Variants in RASEF observed in about 807,000 individuals in gnomAD.
The protein encoded by RASEF is RAS and EF-hand domain containing, also known as ras and EF-hand domain-containing protein.
Under a neutral mutation model 90.1 loss-of-function variants are expected in RASEF, and 68 were observed. The observed-to-expected ratio is 0.75, with a 90% CI of 0.62 to 0.92. RASEF has a LOEUF of 0.92. Among genes scored for constraint, RASEF ranks in the 40% least tolerant of loss-of-function variants. The probability of loss-of-function intolerance (pLI) is 0.00; values close to 1 mark genes in which losing one functional copy is unlikely to be tolerated. For missense variants in RASEF, 949 were observed against 937.2 expected, an observed-to-expected ratio of 1.01 and a Z score of -0.16; for synonymous variants, 331 against 345.2, an observed-to-expected ratio of 0.96 and a Z score of 0.46.
At chr9:83,187,763 C>G in the RASEF span, among the ~76,000 whole-genome samples, 1 of 152,126 alleles carries the variant, frequency 6.6e-6, no homozygotes, top group Non-Finnish European at 1.5e-5. Flanking sequence ...TCCATTTCTC[C>G]TCTTTTCAAA....
chr9:83,099,936 G>A, the RASEF span, among the ~76,000 whole-genome samples: 1 of 152,222 alleles, frequency 6.6e-6, no homozygotes, highest in Non-Finnish European at 1.5e-5. Flanking sequence ...GAAATCAGAT[G>A]CAAATAATTT....
chr9:83,191,463 C>A, the RASEF span, among the ~76,000 whole-genome samples: 1 of 152,126 alleles, frequency 6.6e-6, no homozygotes, highest in Non-Finnish European at 1.5e-5. Context: ...GAATACCAGG[C>A]AATGAAAAGG....
the RASEF span, among the ~76,000 whole-genome samples, chr9:83,087,604 T>C: frequency 3.3e-5 from 5 of 152,232 alleles, no homozygotes; most frequent in East Asian, 9.6e-4. Context: ...TGTATTTCTG[T>C]AGGGTGGGTA....
chr9:83,114,104 C>G, the RASEF span, among the ~76,000 whole-genome samples: 1 of 152,194 alleles, frequency 6.6e-6, no homozygotes, highest in East Asian at 1.9e-4. Context: ...GTCAAGGACC[C>G]CGAATGGAGG....
the RASEF span, among the ~76,000 whole-genome samples, chr9:83,072,784 T>G: frequency 6.6e-6 from 1 of 152,190 alleles, no homozygotes; most frequent in Admixed American, 6.5e-5. Flanking sequence ...CCACCCAGAT[T>G]GAGGGTGGGT....
chr9:83,062,097 G>A (rs563937765), intron 1 of RASEF, among the ~76,000 whole-genome samples: 8 of 152,346 alleles, frequency 5.3e-5, no homozygotes, highest in African/African-American at 1.9e-4. Flanking sequence ...GGGGTAGAAG[G>A]TGACGTAACC....
At chr9:83,175,773 G>A in the RASEF span, among the ~76,000 whole-genome samples, 3 of 151,974 alleles carry the variant, frequency 2.0e-5, no homozygotes, top group Non-Finnish European at 4.4e-5. Flanking sequence ...GTAGAGATGG[G>A]GTTTCACTGT....
the RASEF span, among the ~76,000 whole-genome samples, chr9:83,203,157 A>C: frequency 2.0e-5 from 3 of 152,166 alleles, no homozygotes; most frequent in Non-Finnish European, 4.4e-5. Flanking sequence ...GTTCCTACAA[A>C]ATTTACATTT....
the RASEF span, among the ~76,000 whole-genome samples, chr9:83,159,181 G>A: frequency 4.2e-4 from 33 of 78,556 alleles, no homozygotes; most frequent in African/African-American, 8.7e-4. Flanking sequence ...GCGAGACTCC[G>A]TCTCAAAAAA....
At chr9:83,093,024 T>C in the RASEF span, among the ~76,000 whole-genome samples, 4 of 120,666 alleles carry the variant, frequency 3.3e-5, no homozygotes, top group Non-Finnish European at 7.0e-5. Flanking sequence ...CCCTGAGCTA[T>C]ATATAAAGGT....
chr9:83,068,192 C>T, the RASEF span, among the ~76,000 whole-genome samples: 2 of 152,208 alleles, frequency 1.3e-5, no homozygotes, highest in African/African-American at 2.4e-5. Context: ...ATTATATATG[C>T]AAGAAGTAGA....
At chr9:83,087,405 T>TTCTCTTTCTCTCTCTCTC in the RASEF span, among the ~76,000 whole-genome samples, 1 of 115,532 alleles carries the variant, frequency 8.7e-6, no homozygotes, top group Non-Finnish European at 1.8e-5. Context: ...TTCTCATTCA[T>TTCTCTTTCTCTCTCTCTC]TCTCTCTCTC....
At chr9:83,023,035 A>G (rs1829471325) in intron 2 of RASEF, among the ~76,000 whole-genome samples, 1 of 152,222 alleles carries the variant, frequency 6.6e-6, no homozygotes, top group South Asian at 2.1e-4. Context: ...AAGATATCAA[A>G]GTGCTGGGAG....
chr9:83,074,040 A>AT, the RASEF span, among the ~76,000 whole-genome samples: 1 of 152,268 alleles, frequency 6.6e-6, no homozygotes, highest in Non-Finnish European at 1.5e-5. Context: ...ATTTATGTAT[A>AT]TTTTCAATAT....
intron 12 of RASEF, 47 bp from the exon 13 acceptor site, chr9:82,998,493 T>C (rs373663116): frequency 1.1e-5 from 14 of 1,249,822 alleles, no homozygotes; most frequent in Admixed American, 1.7e-5. Context: ...ATAATTCCAT[T>C]GGCTTTTTAC....
chr9:83,143,303 T>C, the RASEF span, among the ~76,000 whole-genome samples: 2 of 152,138 alleles, frequency 1.3e-5, no homozygotes, highest in African/African-American at 4.8e-5. Context: ...ACCTACAGAA[T>C]GGCAGAAAAT....
At chr9:83,174,774 T>C in the RASEF span, among the ~76,000 whole-genome samples, 2 of 152,284 alleles carry the variant, frequency 1.3e-5, no homozygotes, top group African/African-American at 2.4e-5. Context: ...TTTCCACTTA[T>C]TTAGATCTTC....
the RASEF span, among the ~76,000 whole-genome samples, chr9:83,107,148 C>T: frequency 6.6e-6 from 1 of 152,170 alleles, no homozygotes; most frequent in African/African-American, 2.4e-5. Context: ...AGCCAATGAC[C>T]TCCTACTTCA....
the RASEF span, among the ~76,000 whole-genome samples, chr9:83,204,539 T>C: frequency 6.6e-6 from 1 of 152,186 alleles, no homozygotes; most frequent in Non-Finnish European, 1.5e-5. Context: ...GTGCTTTTGA[T>C]AAATTTTGTT....
Sources: gnomAD v4.1 joint callset for allele counts (sites outside exome capture counted in the v4.1 genomes callset) on GRCh38, gnomAD v4.1.1 for gene constraint, MANE v1.5 for transcripts, NCBI Gene and HGNC (gene_info 2026-07-23, HGNC 2026-07-21) for gene names.